The following LTBP3 variants were observed in gnomAD, a reference collection of about 807,000 sequenced individuals.
The protein encoded by LTBP3 is latent-transforming growth factor beta-binding protein 3.
A neutral mutation model predicts 159.7 loss-of-function variants in LTBP3; 97 were observed. That is an observed-to-expected ratio of 0.61 (90% CI 0.52 to 0.72). The LOEUF (loss-of-function observed/expected upper bound fraction) is 0.72, where lower values mean the gene tolerates loss of function less well. Ranked by LOEUF, LTBP3 falls within the 30% of genes least tolerant of loss-of-function variation. The probability of loss-of-function intolerance (pLI) is 0.00; values close to 1 mark genes in which losing one functional copy is unlikely to be tolerated. For synonymous variants in LTBP3, 824 were observed against 777.1 expected (o/e 1.06, Z -1.00); for missense variants, 1,584 against 1,864.3 (o/e 0.85, Z 2.77).
intron 11 of LTBP3, 195 bp from the exon 12 acceptor site, chr11:65,548,240 C>T (rs374436863): frequency 2.4e-5 from 18 of 763,644 alleles, no homozygotes; most frequent in African/African-American, 2.2e-4. Context: ...AACTAGGACT[C>T]CAGGCCCCTG....
intron 11 of LTBP3, chr11:65,548,556 A>T (rs1856478617): frequency 5.1e-6 from 1 of 195,170 alleles, no homozygotes; most frequent in Non-Finnish European, 1.1e-5. Flanking sequence ...GTTTCCTGGG[A>T]ATCCTAACTA....
intron 8 of LTBP3, 195 bp from the exon 9 acceptor site, chr11:65,551,759 G>A (rs1223377670): frequency 3.4e-6 from 3 of 889,438 alleles, no homozygotes; most frequent in Middle Eastern, 2.5e-4. Flanking sequence ...GAATGGCCTT[G>A]GGTTACAGGT....
chr11:65,553,366 G>T lies in LTBP3; in HGVS notation c.970+59C>A. ...CTGGGGACTCCCACTGCAGGGATGG[G>T]TGGGGTGGGTGGGGAGGGGCCACCA... is the stretch of plus-strand genomic sequence containing the variant. On this transcript the variant is annotated intron_variant, in intron 4 of 27. Transcript: ENST00000301873. This position sits in a 1 kb window ranked among gnomAD's most constrained non-coding sequence, Gnocchi z 6.5. 1 of 1,383,140 alleles carries T rather than the reference G, an allele frequency of 7.2e-7. No homozygotes were observed. Among genetic ancestry groups the T allele is most frequent in the Non-Finnish European group, 1.0e-6 (1 of 982,920 alleles). 85.7% of individuals were successfully genotyped at this position (1,383,140 alleles called of 1,614,324 possible).
Position 65,552,230 on chromosome 11 carries a change from C to T in LTBP3, c.1345+18G>A, listed in dbSNP as rs370225454. 61 of 1,614,154 alleles carry T rather than the reference C, an allele frequency of 3.8e-5. No individual in the cohort carries two copies. The highest frequency in any genetic ancestry group is 2.1e-4 in the South Asian group (19 of 91,082). ...GCATGGACCTATGAACCCCTATCCCCGGGTAACCCTGACTCACCGGTGCCA... is the reference window on the plus strand; with the variant it reads ...GCATGGACCTATGAACCCCTATCCCTGGGTAACCCTGACTCACCGGTGCCA... On this transcript the variant is annotated intron_variant, in intron 7 of 27. Transcript: ENST00000301873. The surrounding 1 kb of genome is among the most constrained non-coding windows in gnomAD (Gnocchi z 6.0).
At position 65,553,457 on chromosome 11, in the gene LTBP3, TG is replaced by T; in HGVS notation, c.937del (p.Gln313ArgfsTer75). 1.2e-6 allele frequency: 2 copies of T among 1,612,034 alleles called. No individual in the cohort carries two copies. Among genetic ancestry groups the T allele is most frequent in the Non-Finnish European group, 1.7e-6 (2 of 1,179,846 alleles). ...CCGSIGTAWG[Q>X]SKCHKCPQLQ... is the part of the protein sequence containing the mutation. ...CTGGGGACACTTGTGGCACTTGCTC[TG>T]GCCCCAGGCAGTGCCGATGCTACCG... On this transcript the variant is annotated frameshift_variant, in exon 4 of 28. Coordinates refer to ENST00000301873, the MANE Select transcript of LTBP3 (RefSeq NM_001130144.3). LOFTEE classifies it high-confidence loss of function. This position sits in a 1 kb window ranked among gnomAD's most constrained non-coding sequence, Gnocchi z 6.5.
At chr11:65,556,129 G>A (rs1856803873) in intron 1 of LTBP3, among the ~76,000 whole-genome samples, 2 of 152,258 alleles carry the variant, frequency 1.3e-5, no homozygotes, top group Non-Finnish European at 2.9e-5. Flanking sequence ...GGGCAGGATG[G>A]CCAGGGAGCC....
Position 65,539,154 on chromosome 11 carries a change from A to T in LTBP3, c.3838T>A (p.Phe1280Ile). The change falls in exon 28 of 28, where the codon TTC (phenylalanine) becomes ATC (isoleucine). Residue 1280 changes from phenylalanine to isoleucine, a missense_variant. Around this residue, in one of 6 missense-constraint regions of LTBP3, gnomAD observed 514 missense variants for 530.3 expected, o/e 0.97. Transcript: ENST00000301873. ...AAGCCGGCTTTGCAGACGCAGCGGA[A>T]GGAGCCGCTGGTGTTCACGCAGCGC... ...SERCVNTSGS[F>I]RCVCKAGFAR... is the part of the protein sequence containing the mutation. The T allele has an allele frequency of 6.7e-7, 1 of 1,497,222 alleles. No individual in the cohort carries two copies. Among genetic ancestry groups the T allele is most frequent in the Non-Finnish European group, 8.9e-7 (1 of 1,118,752 alleles). 92.7% of individuals were successfully genotyped at this position (1,497,222 alleles called of 1,614,324 possible).
At position 65,557,759 on chromosome 11, in the gene LTBP3, C is replaced by G; in HGVS notation, c.201G>C (p.Ala67=). The G allele has an allele frequency of 6.2e-7, 1 of 1,603,844 alleles. No individual in the cohort carries two copies. The highest frequency in any genetic ancestry group is 8.5e-7 in the Non-Finnish European group (1 of 1,179,706). ...LARERFKVVF[A]PVICKRTCLK... ...GACAGGTCCGCTTGCAGATCACCGG[C>G]GCAAAGACCACCTTGAAGCGCTCGC... The change falls in exon 1 of 28, where the codon GCG becomes GCC. Residue 67 remains alanine (A), a synonymous_variant. Coordinates refer to ENST00000301873, the MANE Select transcript of LTBP3 (RefSeq NM_001130144.3).
At position 65,543,504 on chromosome 11, in the gene LTBP3, C is replaced by T. The variant is rs760463495; in HGVS notation, c.2399G>A (p.Cys800Tyr). 6.2e-7 allele frequency: 1 copy of T among 1,614,096 alleles called. No homozygotes were observed. Among genetic ancestry groups the T allele is most frequent in the Non-Finnish European group, 8.5e-7 (1 of 1,179,986 alleles). ...CTGGAAAGATCCTGGCGTGTTGCTGCAGATGCCATTGTCACACACGTCCCC... is the reference window on the plus strand; with the variant it reads ...CTGGAAAGATCCTGGCGTGTTGCTGTAGATGCCATTGTCACACACGTCCCC... ...EAGDVCDNGI[C>Y]SNTPGSFQCQ... is the part of the protein sequence containing the mutation. The change falls in exon 17 of 28, where the codon TGC becomes TAC. Residue 800 changes from cysteine to tyrosine, a missense_variant. Around this residue, in one of 6 missense-constraint regions of LTBP3, gnomAD observed 565 missense variants for 677.7 expected, o/e 0.83. Coordinates refer to ENST00000301873, the MANE Select transcript of LTBP3 (RefSeq NM_001130144.3).
rs1167516543 is a variant in LTBP3 at position 65,557,988 on chromosome 11, G to A, written c.-29C>T. The A allele has an allele frequency of 8.5e-5, 95 of 1,119,286 alleles. No individual in the cohort carries two copies. Among genetic ancestry groups the A allele is most frequent in the Admixed American group, 1.0e-4 (2 of 19,822 alleles). The allele number at this position is 1,119,286 out of a possible 1,614,324, so 69.3% of individuals were successfully genotyped here. ...GGGCCGCAGGACCCGGGGGAGGGGG[G>A]GCGCGCCCGGGCGGGGCGAGGGGCC... is the stretch of plus-strand genomic sequence containing the variant. On this transcript the variant is annotated 5_prime_UTR_variant, in exon 1 of 28. Transcript: ENST00000301873.
chr11:65,539,503 C>A, intron 26 of LTBP3, 44 bp from the exon 27 acceptor site: 1 of 1,599,274 alleles, frequency 6.3e-7, no homozygotes, highest in Non-Finnish European at 8.5e-7. Flanking sequence ...TGAGCCCCGG[C>A]CAAAGGCTAC....
rs1160013561 is a variant in LTBP3, at chr11:65,553,403, C to G, written c.970+22G>C. On this transcript the variant is annotated intron_variant, in intron 4 of 27. Coordinates refer to ENST00000301873, the MANE Select transcript of LTBP3 (RefSeq NM_001130144.3). The surrounding 1 kb of genome is among the most constrained non-coding windows in gnomAD (Gnocchi z 6.5). Reference sequence around the variant, plus strand: ...GGGAGGGGCCACCAGATAGGGAACGCCCCCTGAGCCCAAGCACTCACACTG... The same window carrying G: ...GGGAGGGGCCACCAGATAGGGAACGGCCCCTGAGCCCAAGCACTCACACTG... The G allele has an allele frequency of 2.5e-6, 4 of 1,599,964 alleles. No individual in the cohort carries two copies. In the South Asian group the frequency reaches 4.4e-5, roughly 18 times the overall value.
chr11:65,539,444 T>C lies in LTBP3; in HGVS notation c.3644A>G (p.Glu1215Gly), dbSNP rs1855958309. 6.4e-7 allele frequency: 1 copy of C among 1,560,354 alleles called. No individual in the cohort carries two copies. Among genetic ancestry groups the C allele is most frequent in the Non-Finnish European group, 8.7e-7 (1 of 1,152,176 alleles). The change falls in exon 27 of 28, where the codon GAG (glutamate) becomes GGG (glycine). Residue 1215 changes from glutamate (E) to glycine (G), a missense_variant. Around this residue, in one of 6 missense-constraint regions of LTBP3, gnomAD observed 514 missense variants for 530.3 expected, o/e 0.97. Coordinates refer to ENST00000301873, the MANE Select transcript of LTBP3 (RefSeq NM_001130144.3). ...GCAGCGACACTCGTCTGAATCCTCC[T>C]CTGAACTGTCCTCATCTGCGTGGCC... is the stretch of plus-strand genomic sequence containing the variant. Reference protein sequence around the residue: ...GKPPRDEDSSEEDSDECRCVS... With the variant: ...GKPPRDEDSSGEDSDECRCVS...
chr11:65,551,241 A>ACT lies in LTBP3; in HGVS notation c.1622-19_1622-18dup. On this transcript the variant is annotated splice_polypyrimidine_tract_variant and intron_variant, in intron 10 of 27. Transcript: ENST00000301873. Reference sequence around the variant, plus strand: ...AGATCAGCTCTGCGGGCGGCAGTGCACTCTGGTCAGAGACGATATTGACTG... The same window carrying ACT: ...AGATCAGCTCTGCGGGCGGCAGTGCACTCTCTGGTCAGAGACGATATTGACTG... The ACT allele has an allele frequency of 1.3e-6, 2 of 1,542,144 alleles. No homozygotes were observed. The highest frequency in any genetic ancestry group is 1.7e-6 in the Non-Finnish European group (2 of 1,145,404).
At position 65,547,805 on chromosome 11, in the gene LTBP3, C is replaced by G; in HGVS notation, c.1863G>C (p.Glu621Asp). 6.2e-7 allele frequency: 1 copy of G among 1,613,260 alleles called. No individual in the cohort carries two copies. Among genetic ancestry groups the G allele is most frequent in the South Asian group, 1.1e-5 (1 of 91,088 alleles). Residue 621 changes from glutamate to aspartate, a missense_variant, in exon 13 of 28, where the codon GAG becomes GAC. Transcript: ENST00000301873. This position sits in a 1 kb window ranked among gnomAD's most constrained non-coding sequence, Gnocchi z 4.6. ...CCCTCCCCGGGCCACAGGGCTCTGC[C>G]TCGCACTCGTTCACATCTGAGAAGA... ...HRYCVDVNECEAEPCGPGRGI... is the reference protein window; with the variant it reads ...HRYCVDVNECDAEPCGPGRGI...
Position 65,538,903 on chromosome 11 carries a change from G to T in LTBP3, c.*177C>A, listed in dbSNP as rs937894236. ...AGCGCCCGCCGGAGACCTTACAACC[G>T]CCCGCTAACCGGGGAGGGGGGCCGG... On this transcript the variant is annotated 3_prime_UTR_variant, in exon 28 of 28. Transcript: ENST00000301873. The T allele has an allele frequency of 1.6e-6, 2 of 1,221,694 alleles. No individual in the cohort carries two copies. Among genetic ancestry groups the T allele is most frequent in the East Asian group, 3.1e-5 (1 of 32,022 alleles). 75.7% of individuals were successfully genotyped at this position (1,221,694 alleles called of 1,614,324 possible).
At chr11:65,550,477 G>C (rs1030981746) in intron 11 of LTBP3, among the ~76,000 whole-genome samples, 4 of 151,872 alleles carry the variant, frequency 2.6e-5, no homozygotes, top group Non-Finnish European at 5.9e-5. Flanking sequence ...GAGTTCTGAG[G>C]GTTGTGATAA....
Position 65,553,735 on chromosome 11 carries a change from C to CTCA in LTBP3, c.829_830insTGA (p.Gly277delinsValSer). On this transcript the variant is annotated protein_altering_variant, in exon 3 of 28. Transcript: ENST00000301873. This position sits in a 1 kb window ranked among gnomAD's most constrained non-coding sequence, Gnocchi z 6.5. ...GGGCAGAGTGTCCTGAAAGCAGCGG[C>CTCA]CCAGGGGCTTCTGGGTGGGCGGCCG... 1 of 1,579,528 alleles carries CTCA rather than the reference C, an allele frequency of 6.3e-7. No individual in the cohort carries two copies. Among genetic ancestry groups the CTCA allele is most frequent in the Non-Finnish European group, 8.5e-7 (1 of 1,170,664 alleles).
Position 65,539,577 on chromosome 11 carries a change from C to T in LTBP3, c.3599G>A (p.Ser1200Asn), listed in dbSNP as rs150273175. 421 of 1,612,846 alleles carry T rather than the reference C, an allele frequency of 2.6e-4. No homozygotes were observed. In the African/African-American group the frequency reaches 4.7e-3, roughly 18 times the overall value. Reference protein sequence around the residue: ...QSESNSFWDTSPLLLGKPPRD... With the variant: ...QSESNSFWDTNPLLLGKPPRD... The stretch of plus-strand genomic sequence containing the variant: ...TGGGGGCTTCCCCAACAGCAGGGGG[C>T]TTGTGTCCCAGAAGGAATTGCTCTC... The change falls in exon 26 of 28, where the codon AGC becomes AAC. Residue 1200 changes from serine (S) to asparagine (N), a missense_variant. Coordinates refer to ENST00000301873, the MANE Select transcript of LTBP3 (RefSeq NM_001130144.3).
Sources: allele counts gnomAD v4.1 joint callset (sites outside exome capture counted in the v4.1 genomes callset), GRCh38; gene constraint gnomAD v4.1.1; regional missense constraint gnomAD v4.1.1; non-coding constraint Gnocchi (gnomAD v3.1); transcripts MANE v1.5; gene names NCBI Gene and HGNC (gene_info 2026-07-23, HGNC 2026-07-21).